GRAMD2A: variants seen among roughly 807,000 people sequenced by gnomAD.
The protein encoded by GRAMD2A is GRAM domain containing 2A.
A neutral mutation model predicts 51.1 loss-of-function variants in GRAMD2A; 37 were observed. That is an observed-to-expected ratio of 0.72 (90% confidence interval 0.56 to 0.95). The LOEUF is 0.95. Ranked by LOEUF, GRAMD2A falls within the 40% of genes least tolerant of loss-of-function variation. GRAMD2A has a pLI of 0.00. For missense variants in GRAMD2A, 414 were observed against 426.9 expected (o/e 0.97, Z 0.27); for synonymous variants, 136 against 157.1 (o/e 0.87, Z 1.01).
At chr15:72,195,390 G>A (rs1363995702) in intron 1 of GRAMD2A, among the ~76,000 whole-genome samples, 1 of 152,164 alleles carries the variant, frequency 6.6e-6, no homozygotes, top group Non-Finnish European at 1.5e-5. Context: ...TGATAAACAT[G>A]GTCCGTGGCA....
chr15:72,162,541 C>A (rs1183745158), intron 10 of GRAMD2A, among the ~76,000 whole-genome samples, 164 bp from the exon 11 acceptor site: 1 of 152,216 alleles, frequency 6.6e-6, no homozygotes, highest in Non-Finnish European at 1.5e-5. Flanking sequence ...TTCCCAGACA[C>A]CATGTAGGGG....
Position 72,162,277 on chromosome 15 carries a change from G to A in GRAMD2A, c.1057C>T (p.His353Tyr). The part of the protein sequence containing the change: ...SLSWDDPVPG[H>Y]R ...TAGAAAGAGAAAAGGCCTCACCTGT[G>A]CCCAGGGACTGGGTCATCCCAACTC... Residue 353 changes from histidine (H) to tyrosine (Y), a missense_variant, in exon 11 of 12, where the codon CAC becomes TAC. By Grantham distance (83) the His-to-Tyr change is moderately conservative. Coordinates refer to ENST00000309731, the MANE Select transcript of GRAMD2A (RefSeq NM_001012642.3). The A allele has an allele frequency of 6.2e-7, 1 of 1,609,344 alleles. No homozygotes were observed. The highest frequency in any genetic ancestry group is 8.5e-7 in the Non-Finnish European group (1 of 1,175,756).
At chr15:72,165,255 C>A in intron 8 of GRAMD2A, 99 bp downstream of exon 8, 1 of 1,047,558 alleles carries the variant, frequency 9.5e-7, no homozygotes, top group South Asian at 1.4e-5. Context: ...GAGCCTGGTG[C>A]CCCAGTTCTG....
At chr15:72,181,489 A>G (rs1205720551) in intron 1 of GRAMD2A, among the ~76,000 whole-genome samples, 4 of 152,218 alleles carry the variant, frequency 2.6e-5, no homozygotes, top group African/African-American at 4.8e-5. Flanking sequence ...ACAATTTTCC[A>G]TGGAGAGAGA....
At chr15:72,194,683 TTTATTA>T (rs910214161) in intron 1 of GRAMD2A, among the ~76,000 whole-genome samples, 3 of 151,570 alleles carry the variant, frequency 2.0e-5, no homozygotes, top group African/African-American at 7.3e-5. Context: ...TTCTTTATTA[TTTATTA>T]TTATTATTAT....
rs561146279 is a variant in GRAMD2A at position 72,172,076 on chromosome 15, T to G, written c.42-2137A>C. On this transcript the variant is annotated intron_variant, in intron 1 of 11. Coordinates refer to ENST00000309731, the MANE Select transcript of GRAMD2A (RefSeq NM_001012642.3). Reference sequence around the variant, plus strand: ...CTCCTGACCTTATAATCCCCCTGCCTTGGCCTCCCAGAGTGCTGGGATTAC... The same window carrying G: ...CTCCTGACCTTATAATCCCCCTGCCGTGGCCTCCCAGAGTGCTGGGATTAC... Among the ~76,000 whole-genome samples the G allele has an allele frequency of 2.3e-4, 35 of 152,176 alleles. No individual in the cohort carries two copies. The South Asian group carries it at 7.3e-3, about 32-fold the overall frequency.
chr15:72,164,720 AT>A (rs2081522437), intron 8 of GRAMD2A, among the ~76,000 whole-genome samples: 1 of 151,988 alleles, frequency 6.6e-6, no homozygotes, highest in Non-Finnish European at 1.5e-5. Context: ...GGTCATCTTT[AT>A]CCCCTTGAAG....
At chr15:72,184,822 T>C (rs1044179453) in intron 1 of GRAMD2A, among the ~76,000 whole-genome samples, 5 of 152,216 alleles carry the variant, frequency 3.3e-5, no homozygotes, top group African/African-American at 1.2e-4. Flanking sequence ...AATAAAAGGT[T>C]CACTTACATG....
In GRAMD2A at chr15:72,162,253, A is replaced by G. The variant is rs894446998; in HGVS notation, c.1061+20T>C. ...CTCAACCCTCAATATCAAAGGCATT[A>G]GAAAGAGAAAAGGCCTCACCTGTGC... On this transcript the variant is annotated intron_variant, in intron 11 of 11. Coordinates refer to ENST00000309731, the MANE Select transcript of GRAMD2A (RefSeq NM_001012642.3). 1 of 1,554,222 alleles carries G rather than the reference A, an allele frequency of 6.4e-7. No homozygotes were observed. Among genetic ancestry groups the G allele is most frequent in the Non-Finnish European group, 8.9e-7 (1 of 1,127,168 alleles).
intron 3 of GRAMD2A, 78 bp from the exon 4 acceptor site, chr15:72,168,644 A>G: frequency 8.2e-7 from 1 of 1,218,858 alleles, no homozygotes; most frequent in Non-Finnish European, 1.2e-6. Flanking sequence ...CCAACAGGAA[A>G]TGCCACAGCC....
intron 1 of GRAMD2A, among the ~76,000 whole-genome samples, chr15:72,174,462 C>A (rs1190025388): frequency 6.6e-6 from 1 of 152,216 alleles, no homozygotes; most frequent in Non-Finnish European, 1.5e-5. Context: ...CAGTCCCGTC[C>A]CATCCCCATG....
rs1359577813 is a variant in GRAMD2A at position 72,166,704 on chromosome 15, CT to C, written c.472-2del. ...GGGAGAGCAGTGACACAAAGATATA[CT>C]GGGACATGGAAAGAAAACAGACAGG... On this transcript the variant is annotated splice_acceptor_variant, in intron 6 of 11. Coordinates refer to ENST00000309731, the MANE Select transcript of GRAMD2A (RefSeq NM_001012642.3). LOFTEE classifies it high-confidence loss of function. The surrounding 1 kb of genome is among the most constrained non-coding windows in gnomAD (Gnocchi z 4.1). 6.2e-7 allele frequency: 1 copy of C among 1,612,350 alleles called. No homozygotes were observed. The highest frequency in any genetic ancestry group is 1.3e-5 in the African/African-American group (1 of 74,894).
At chr15:72,193,914 C>T (rs760955843) in intron 1 of GRAMD2A, among the ~76,000 whole-genome samples, 3 of 152,204 alleles carry the variant, frequency 2.0e-5, no homozygotes, top group Non-Finnish European at 4.4e-5. Context: ...TCCCTGAGAA[C>T]AATGCCTGTC....
chr15:72,161,967 A>C lies in GRAMD2A; in HGVS notation c.*42T>G. 1 of 1,611,368 alleles carries C rather than the reference A, an allele frequency of 6.2e-7. No individual in the cohort carries two copies. Among genetic ancestry groups the C allele is most frequent in the Non-Finnish European group, 8.5e-7 (1 of 1,177,460 alleles). ...TTGGTGGAGACTTAGCACCCAGAAC[A>C]TTCTTCTTGGAGAAGGAATGGGGAC... is the stretch of plus-strand genomic sequence containing the variant. On this transcript the variant is annotated 3_prime_UTR_variant, in exon 12 of 12. Coordinates refer to ENST00000309731, the MANE Select transcript of GRAMD2A (RefSeq NM_001012642.3).
intron 1 of GRAMD2A, among the ~76,000 whole-genome samples, chr15:72,177,236 T>C (rs948993614): frequency 6.6e-6 from 1 of 152,058 alleles, no homozygotes; most frequent in African/African-American, 2.4e-5. Flanking sequence ...TATCTGGGAA[T>C]AGCATTTAAA....
rs752491943 is a variant in GRAMD2A, at chr15:72,166,737, G to A, written c.472-34C>T. 6.4e-7 allele frequency: 1 copy of A among 1,569,806 alleles called. No individual in the cohort carries two copies. Among genetic ancestry groups the A allele is most frequent in the Non-Finnish European group, 8.8e-7 (1 of 1,142,602 alleles). On this transcript the variant is annotated intron_variant, in intron 6 of 11. Coordinates refer to ENST00000309731, the MANE Select transcript of GRAMD2A (RefSeq NM_001012642.3). The surrounding 1 kb of genome is among the most constrained non-coding windows in gnomAD (Gnocchi z 4.1). ...TGGAAAGAAAACAGACAGGGGTAGG[G>A]TGAGATGAGACTCCTTGCTGTGCCA...
At chr15:72,174,184 T>G (rs1321499929) in intron 1 of GRAMD2A, among the ~76,000 whole-genome samples, 2 of 152,016 alleles carry the variant, frequency 1.3e-5, no homozygotes, top group Non-Finnish European at 2.9e-5. Flanking sequence ...CGAATGAAAA[T>G]AAAGAAATGG....
intron 7 of GRAMD2A, among the ~76,000 whole-genome samples, chr15:72,165,712 C>T (rs1244873967): frequency 6.6e-6 from 1 of 151,898 alleles, no homozygotes; most frequent in Non-Finnish European, 1.5e-5. Flanking sequence ...ATTAAGGAAG[C>T]ACAAGTGAGG....
At chr15:72,193,217 G>T (rs559787790) in intron 1 of GRAMD2A, among the ~76,000 whole-genome samples, 2 of 151,902 alleles carry the variant, frequency 1.3e-5, no homozygotes, top group East Asian at 3.9e-4. Context: ...AGTCCTAAAT[G>T]ATGACCAATC....
Sources: allele counts gnomAD v4.1 joint callset (sites outside exome capture counted in the v4.1 genomes callset), GRCh38; gene constraint gnomAD v4.1.1; non-coding constraint Gnocchi (gnomAD v3.1); transcripts MANE v1.5; gene names NCBI Gene and HGNC (gene_info 2026-07-23, HGNC 2026-07-21).